Variants in ZNF385D observed in about 807,000 individuals in gnomAD.
The protein encoded by ZNF385D is zinc finger protein 659.
A neutral mutation model predicts 35.8 loss-of-function variants in ZNF385D; 15 were observed. The ratio of observed to expected loss-of-function variants is 0.42; its 90% CI spans 0.28 to 0.64. The LOEUF (loss-of-function observed/expected upper bound fraction) is 0.64, where lower values mean the gene tolerates loss of function less well. Ranked by LOEUF, ZNF385D falls within the 30% of genes least tolerant of loss-of-function variation. The pLI is 0.23. For missense variants in ZNF385D, 474 were observed against 494.6 expected, an observed-to-expected ratio of 0.96 and a Z score of 0.39; for synonymous variants, 212 against 186.8, an observed-to-expected ratio of 1.13 and a Z score of -1.10.
rs1700527308 is a variant in ZNF385D, at chr3:21,413,929, T to C, written c.*7285A>G. 6.6e-6 allele frequency: 1 copy of C among 152,104 alleles called. No homozygotes were observed. The highest frequency in any genetic ancestry group is 2.1e-4 in the South Asian group (1 of 4,826). 9.4% of individuals were successfully genotyped at this position (152,104 alleles called of 1,614,324 possible). On this transcript the variant is annotated 3_prime_UTR_variant, in exon 8 of 8. Transcript: ENST00000281523. ...CACTCAATTTATTCGACAGTGTCTG[T>C]TTGTAGTTTTATTGTGAAGAACAGC...
At chr3:21,554,020 T>G (rs1292818669) in intron 3 of ZNF385D, among the ~76,000 whole-genome samples, 2 of 152,228 alleles carry the variant, frequency 1.3e-5, no homozygotes, top group Non-Finnish European at 2.9e-5. Context: ...TCTTTTAAAT[T>G]CCTGTTAATG....
intron 3 of ZNF385D, among the ~76,000 whole-genome samples, chr3:22,102,357 G>A (rs2125626967): frequency 1.3e-5 from 2 of 152,144 alleles, no homozygotes; most frequent in Middle Eastern, 6.8e-3. Context: ...AAAACAGAGA[G>A]AAGCAATTAG....
At chr3:22,273,911 T>G (rs567518788) in intron 2 of ZNF385D, among the ~76,000 whole-genome samples, 1 of 152,140 alleles carries the variant, frequency 6.6e-6, no homozygotes, top group Admixed American at 6.5e-5. Context: ...TTCCATATGT[T>G]TTTCCTACAA....
At chr3:22,270,039 CTCTCTGGGGTGGAA>C (rs1272297092) in intron 2 of ZNF385D, among the ~76,000 whole-genome samples, 2 of 151,930 alleles carry the variant, frequency 1.3e-5, no homozygotes, top group Non-Finnish European at 2.9e-5. Context: ...CTGGCTCAGA[CTCTCTGGGGTGGAA>C]TCTGAGTCTG....
chr3:21,540,204 C>G (rs2062138750), intron 3 of ZNF385D, among the ~76,000 whole-genome samples: 1 of 151,926 alleles, frequency 6.6e-6, no homozygotes, highest in Admixed American at 6.6e-5. Flanking sequence ...ATTAAATAGG[C>G]AAAAGCAGAA....
intron 2 of ZNF385D, among the ~76,000 whole-genome samples, chr3:22,263,636 C>A (rs187603009): frequency 1.3e-3 from 202 of 152,090 alleles, no homozygotes; most frequent in Non-Finnish European, 2.2e-3. Context: ...CAGTTTCTGG[C>A]ACCAAATAGG....
At chr3:22,227,429 C>T (rs1034847408) in intron 2 of ZNF385D, among the ~76,000 whole-genome samples, 1 of 152,142 alleles carries the variant, frequency 6.6e-6, no homozygotes, top group African/African-American at 2.4e-5. Flanking sequence ...GAATGCTTCC[C>T]AGAAAGACCA....
intron 2 of ZNF385D, among the ~76,000 whole-genome samples, chr3:22,313,386 A>G (rs987103649): frequency 2.0e-5 from 3 of 152,104 alleles, no homozygotes; most frequent in Admixed American, 1.3e-4. Flanking sequence ...GTACCCTAAA[A>G]CTTAAAGTAT....
At chr3:22,224,110 G>C (rs1196083467) in intron 2 of ZNF385D, among the ~76,000 whole-genome samples, 2 of 152,074 alleles carry the variant, frequency 1.3e-5, no homozygotes, top group Non-Finnish European at 2.9e-5. Flanking sequence ...AAGATAAACT[G>C]GTCATGAATT....
intron 3 of ZNF385D, among the ~76,000 whole-genome samples, chr3:21,546,406 C>T (rs183128581): frequency 6.6e-6 from 1 of 152,184 alleles, no homozygotes; most frequent in Admixed American, 6.5e-5. Context: ...CAAAGCCAAG[C>T]ACCATTCACC....
At position 22,228,916 on chromosome 3, in the gene ZNF385D, T is replaced by C. The variant is rs185873359; in HGVS notation, c.107-59881A>G. 4.6e-3 allele frequency among the ~76,000 whole-genome samples: 707 copies of C among 152,356 alleles called. 11 individuals are homozygous for C. The South Asian group carries it at 0.048, about 10-fold the overall frequency. ...TTTTGGACTCTTGGACCTATGCCAA[T>C]TGTTTGCCCAGGAGCTCTTAGGCCT... On this transcript the variant is annotated intron_variant, in intron 2 of 5. Coordinates refer to the ZNF385D transcript ENST00000494108.
At chr3:22,260,620 T>C (rs1559484604) in intron 2 of ZNF385D, among the ~76,000 whole-genome samples, 1 of 152,006 alleles carries the variant, frequency 6.6e-6, no homozygotes, top group Non-Finnish European at 1.5e-5. Flanking sequence ...TTTTAGAATT[T>C]CTACTTAATA....
chr3:21,717,560 T>A (rs1264082669), intron 1 of ZNF385D, among the ~76,000 whole-genome samples: 3 of 152,178 alleles, frequency 2.0e-5, no homozygotes, highest in Admixed American at 2.0e-4. Context: ...CTTGATATAG[T>A]TTCACTGTGT....
rs762962742 is a variant in ZNF385D, at chr3:21,537,547, C to T, written c.277-26524G>A. Reference sequence around the variant, plus strand: ...TCTTTACGAAAGCAGGCAGCTAGCTCATGGGCCACAGCTTGCTAATTTTAT... The same window carrying T: ...TCTTTACGAAAGCAGGCAGCTAGCTTATGGGCCACAGCTTGCTAATTTTAT... On this transcript the variant is annotated intron_variant, in intron 3 of 7. Coordinates refer to ENST00000281523, the MANE Select transcript of ZNF385D (RefSeq NM_024697.3). 2.6e-5 allele frequency among the ~76,000 whole-genome samples: 4 copies of T among 152,196 alleles called. 1 individual carries two copies. The South Asian group carries it at 8.4e-4, about 32-fold the overall frequency.
chr3:21,870,738 T>G (rs1271936144), intron 3 of ZNF385D, among the ~76,000 whole-genome samples: 4 of 152,140 alleles, frequency 2.6e-5, no homozygotes, highest in South Asian at 4.1e-4. Flanking sequence ...TGTATATGTA[T>G]GTACACCCCA....
At chr3:21,603,383 G>GTTACC (rs753364126) in intron 2 of ZNF385D, among the ~76,000 whole-genome samples, 28,831 of 152,036 alleles carry the variant, frequency 0.19, 3,677 homozygotes, top group African/African-American at 0.37. Context: ...CAGCAATTCT[G>GTTACC]CTTCTGGTAA....
chr3:21,626,063 A>G (rs1406080674), intron 2 of ZNF385D, among the ~76,000 whole-genome samples: 1 of 152,110 alleles, frequency 6.6e-6, no homozygotes, highest in Non-Finnish European at 1.5e-5. Context: ...AACTATTAAT[A>G]AAATTGAGGG....
chr3:21,959,197 C>T (rs543840863), intron 3 of ZNF385D, among the ~76,000 whole-genome samples: 1 of 152,066 alleles, frequency 6.6e-6, no homozygotes, highest in South Asian at 2.1e-4. Context: ...TGTGCTTTTC[C>T]TTGGTTAGAG....
At chr3:21,753,168 G>T (rs1229797634), upstream of ZNF385D, among the ~76,000 whole-genome samples, 2 of 152,126 alleles carry the variant, frequency 1.3e-5, no homozygotes, top group Non-Finnish European at 2.9e-5. Context: ...GATATAGAAA[G>T]GTGGATATTA....
Sources: allele counts gnomAD v4.1 joint callset (sites outside exome capture counted in the v4.1 genomes callset), GRCh38; gene constraint gnomAD v4.1.1; transcripts MANE v1.5; gene names NCBI Gene and HGNC (gene_info 2026-07-23, HGNC 2026-07-21).